Variants in STPG2 observed in about 807,000 individuals in gnomAD.
STPG2 encodes the protein sperm-tail PG-rich repeat-containing protein 2.
A neutral mutation model predicts 54.2 loss-of-function variants in STPG2; 56 were observed. The ratio of observed to expected loss-of-function variants is 1.03; its 90% CI spans 0.83 to 1.29. The LOEUF is 1.29. STPG2 is among the 50% of genes most tolerant of loss of function. The pLI is 0.00. For missense variants in STPG2, 596 were observed against 544.9 expected, an observed-to-expected ratio of 1.09 and a Z score of -0.93; for synonymous variants, 200 against 181.8, an observed-to-expected ratio of 1.10 and a Z score of -0.81.
At chr4:97,751,415 T>C (rs1011342509) in intron 9 of STPG2, among the ~76,000 whole-genome samples, 1 of 151,864 alleles carries the variant, frequency 6.6e-6, no homozygotes, top group African/African-American at 2.4e-5. Context: ...TAGTTTTATA[T>C]GTTTCTTAAA....
chr4:97,586,634 T>C (rs546274859), intron 10 of STPG2, among the ~76,000 whole-genome samples: 1 of 152,060 alleles, frequency 6.6e-6, no homozygotes, highest in East Asian at 1.9e-4. Context: ...CAGATTTGTC[T>C]TATAAAACAA....
chr4:97,857,599 T>A (rs1281676555), intron 8 of STPG2, among the ~76,000 whole-genome samples: 1 of 152,094 alleles, frequency 6.6e-6, no homozygotes, highest in Non-Finnish European at 1.5e-5. Flanking sequence ...TTCAAAACAA[T>A]GTCTCCTGGA....
intron 5 of STPG2, among the ~76,000 whole-genome samples, chr4:97,997,224 C>A (rs1016147093): frequency 6.6e-6 from 1 of 152,054 alleles, no homozygotes; most frequent in Admixed American, 6.6e-5. Context: ...TGTATTAGTT[C>A]ATTCTCACAT....
At chr4:97,696,737 A>G (rs1723588871) in intron 10 of STPG2, among the ~76,000 whole-genome samples, 2 of 152,234 alleles carry the variant, frequency 1.3e-5, no homozygotes, top group African/African-American at 4.8e-5. Flanking sequence ...ACAATTCTCA[A>G]GAGAAGATAT....
chr4:98,138,965 T>A (rs1740206125), intron 1 of STPG2, among the ~76,000 whole-genome samples: 1 of 151,926 alleles, frequency 6.6e-6, no homozygotes, highest in Admixed American at 6.6e-5. Context: ...ATGCCAGGAG[T>A]AGTCACATTA....
intron 4 of STPG2, among the ~76,000 whole-genome samples, chr4:97,479,255 T>C (rs528585734): frequency 6.6e-6 from 1 of 151,836 alleles, no homozygotes; most frequent in Non-Finnish European, 1.5e-5. Context: ...ATCGTATATA[T>C]GGGTGTGGGT....
intron 10 of STPG2, among the ~76,000 whole-genome samples, chr4:97,667,716 A>G (rs188420532): frequency 6.6e-6 from 1 of 152,178 alleles, no homozygotes; most frequent in Admixed American, 6.5e-5. Flanking sequence ...TTTTGATACT[A>G]TCATACTTCA....
At chr4:97,509,143 C>A (rs547571574) in intron 4 of STPG2, among the ~76,000 whole-genome samples, 1 of 152,048 alleles carries the variant, frequency 6.6e-6, no homozygotes, top group Admixed American at 6.6e-5. Context: ...TTATGTCTCT[C>A]CAGGGTTTCG....
chr4:98,035,148 A>T (rs1351835315), intron 5 of STPG2, among the ~76,000 whole-genome samples: 1 of 152,234 alleles, frequency 6.6e-6, no homozygotes, highest in Admixed American at 6.5e-5. Flanking sequence ...AACGATCATC[A>T]GAGTGAACAG....
chr4:97,839,170 A>C (rs567323392), intron 9 of STPG2, among the ~76,000 whole-genome samples: 1 of 151,720 alleles, frequency 6.6e-6, no homozygotes, highest in African/African-American at 2.4e-5. Flanking sequence ...ATAAGATCTT[A>C]TACTTCAAAG....
chr4:97,907,940 T>G (rs1731508851), intron 8 of STPG2, among the ~76,000 whole-genome samples: 1 of 152,196 alleles, frequency 6.6e-6, no homozygotes, highest in Non-Finnish European at 1.5e-5. Context: ...GGCCTGACCA[T>G]TCAGGTCATA....
intron 7 of STPG2, among the ~76,000 whole-genome samples, chr4:97,949,362 T>C (rs889561080): frequency 6.6e-6 from 1 of 152,184 alleles, no homozygotes; most frequent in Non-Finnish European, 1.5e-5. Flanking sequence ...TTGTGATTTT[T>C]CTTATCTAAT....
rs946629468 is a variant in STPG2, at chr4:97,921,914, G to A, written c.1044+21983C>T. On this transcript the variant is annotated intron_variant, in intron 8 of 10. Coordinates refer to ENST00000295268, the MANE Select transcript of STPG2 (RefSeq NM_174952.3). The stretch of plus-strand genomic sequence containing the variant: ...GAGGACATTATGATAAGGGAAATTA[G>A]CAGATACAGAAAGACAAATTCTGCA... Among the ~76,000 whole-genome samples the A allele has an allele frequency of 2.0e-5, 3 of 152,168 alleles. No homozygotes were observed. The East Asian group carries it at 5.8e-4, about 29-fold the overall frequency.
intron 10 of STPG2, among the ~76,000 whole-genome samples, chr4:97,691,198 TCCATGGGACAGCTGAGGAACTGTC>T (rs1378262156): frequency 1.3e-5 from 2 of 152,082 alleles, no homozygotes; most frequent in African/African-American, 2.4e-5. Context: ...CACTGCAGGC[TCCATGGGACAGCTGAGGAACTGTC>T]CCATGGGACA....
intron 9 of STPG2, among the ~76,000 whole-genome samples, chr4:97,739,078 T>A (rs1255455612): frequency 2.6e-5 from 4 of 151,952 alleles, no homozygotes; most frequent in Non-Finnish European, 4.4e-5. Flanking sequence ...ACCGCTCAAC[T>A]ACATGGAAAC....
chr4:97,779,112 C>T (rs574766533), intron 9 of STPG2, among the ~76,000 whole-genome samples: 2 of 152,296 alleles, frequency 1.3e-5, no homozygotes, highest in Admixed American at 1.3e-4. Context: ...GAGAAGAAGT[C>T]TTCAGACGAT....
intron 5 of STPG2, among the ~76,000 whole-genome samples, chr4:98,018,798 T>C (rs540701618): frequency 6.6e-6 from 1 of 152,214 alleles, no homozygotes; most frequent in East Asian, 1.9e-4. Context: ...ATGTGTTTTT[T>C]GGCTGCATAA....
chr4:97,665,225 G>C (rs1722488871), intron 10 of STPG2, among the ~76,000 whole-genome samples: 1 of 152,196 alleles, frequency 6.6e-6, no homozygotes, highest in South Asian at 2.1e-4. Context: ...GAGTATTTCA[G>C]CTCTGTTTGC....
At chr4:97,962,716 T>C (rs559201265) in intron 7 of STPG2, among the ~76,000 whole-genome samples, 1 of 152,340 alleles carries the variant, frequency 6.6e-6, no homozygotes, top group African/African-American at 2.4e-5. Flanking sequence ...GTATGTACTA[T>C]TATGATCTTC....
Sources: gnomAD v4.1 joint callset for allele counts (sites outside exome capture counted in the v4.1 genomes callset) on GRCh38, gnomAD v4.1.1 for gene constraint, MANE v1.5 for transcripts, NCBI Gene and HGNC (gene_info 2026-07-23, HGNC 2026-07-21) for gene names.